Variants in COL5A2 observed in about 807,000 individuals in gnomAD.
The protein encoded by COL5A2 is collagen type V alpha 2 chain, also known as collagen alpha-2(V) chain.
COL5A2 carries 23 observed loss-of-function variants against 208.2 expected under a neutral mutation model. That is an observed-to-expected ratio of 0.11 (90% CI 0.08 to 0.16). The LOEUF is 0.16. COL5A2 is among the 10% of genes least tolerant of loss of function. The pLI is 1.00. For synonymous variants in COL5A2, 625 were observed against 628.5 expected (o/e 0.99, Z 0.08); for missense variants, 1,590 against 1,956.4 (o/e 0.81, Z 3.53).
the COL5A2 span, among the ~76,000 whole-genome samples, chr2:189,319,969 T>A: frequency 6.6e-6 from 1 of 152,128 alleles, no homozygotes; most frequent in African/African-American, 2.4e-5. Context: ...AGACAAAACC[T>A]CCAGAGGAAT....
chr2:189,179,799 G>A, upstream of COL5A2: 1 of 777,788 alleles, frequency 1.3e-6, no homozygotes, highest in South Asian at 1.8e-5. Flanking sequence ...TAAATAGGAA[G>A]AATGCTGCCT....
At chr2:189,273,447 C>T in the COL5A2 span, among the ~76,000 whole-genome samples, 1 of 151,958 alleles carries the variant, frequency 6.6e-6, no homozygotes, top group African/African-American at 2.4e-5. Context: ...GAAGGTTCAT[C>T]AAAAAATTAA....
At chr2:189,354,078 A>C in the COL5A2 span, among the ~76,000 whole-genome samples, 3,656 of 152,282 alleles carry the variant, frequency 0.024, 161 homozygotes, top group African/African-American at 0.084. Context: ...GTGATGGATT[A>C]AGTTTATTGA....
At chr2:189,176,000 G>A (rs570898863) in intron 1 of COL5A2, among the ~76,000 whole-genome samples, 8 of 152,142 alleles carry the variant, frequency 5.3e-5, no homozygotes, top group Non-Finnish European at 1.0e-4. Flanking sequence ...CTTAAGCTAT[G>A]TATACATATT....
intron 48 of COL5A2, 24 bp from the exon 49 acceptor site, chr2:189,042,797 T>C: frequency 6.3e-7 from 1 of 1,597,448 alleles, no homozygotes; most frequent in South Asian, 1.1e-5. Flanking sequence ...CAATAAAAAA[T>C]GTTGCCAAAA....
At chr2:189,068,703 TA>T (rs1559088699) in intron 19 of COL5A2, 82 bp downstream of exon 19, 5 of 986,526 alleles carry the variant, frequency 5.1e-6, no homozygotes, top group Non-Finnish European at 8.1e-6. Flanking sequence ...ATGTATCAAT[TA>T]AAAAAATAGG....
At chr2:189,054,682 GT>G (rs149548788) in intron 35 of COL5A2, among the ~76,000 whole-genome samples, 1,280 of 118,336 alleles carry the variant, frequency 0.011, 15 homozygotes, top group African/African-American at 0.037. Flanking sequence ...CATTTTAGGT[GT>G]TTTTTCCTTT....
At chr2:189,238,874 G>A in the COL5A2 span, among the ~76,000 whole-genome samples, 1 of 152,112 alleles carries the variant, frequency 6.6e-6, no homozygotes, top group Non-Finnish European at 1.5e-5. Flanking sequence ...TTCGAGATAA[G>A]ATTTGGGTGG....
chr2:189,178,366 A>AATATAGATATATACATAGTAT (rs1688716690), intron 1 of COL5A2, among the ~76,000 whole-genome samples: 1 of 152,072 alleles, frequency 6.6e-6, no homozygotes, highest in African/African-American at 2.4e-5. Flanking sequence ...TTGTTCTAAA[A>AATATAGATATATACATAGTAT]ATATAGATAT....
chr2:189,244,539 C>T, the COL5A2 span, among the ~76,000 whole-genome samples: 1 of 152,060 alleles, frequency 6.6e-6, no homozygotes, highest in African/African-American at 2.4e-5. Flanking sequence ...TGTCCATATC[C>T]CAACCTTTGC....
chr2:189,283,302 G>T, the COL5A2 span, among the ~76,000 whole-genome samples: 1 of 151,502 alleles, frequency 6.6e-6, no homozygotes, highest in Non-Finnish European at 1.5e-5. Flanking sequence ...GGACAACAAA[G>T]GCAGCAAAGG....
intron 18 of COL5A2, 133 bp from the exon 19 acceptor site, chr2:189,069,017 G>A (rs1409095764): frequency 9.8e-6 from 7 of 717,182 alleles, no homozygotes; most frequent in African/African-American, 1.7e-5. Context: ...TACAAGAGAT[G>A]CGTGCCCAAC....
At chr2:189,357,163 T>C in the COL5A2 span, among the ~76,000 whole-genome samples, 1 of 152,288 alleles carries the variant, frequency 6.6e-6, no homozygotes, top group South Asian at 2.1e-4. Flanking sequence ...GTAGGAGATG[T>C]CTGTCGGCCC....
At chr2:189,235,673 T>C in the COL5A2 span, among the ~76,000 whole-genome samples, 1 of 151,830 alleles carries the variant, frequency 6.6e-6, no homozygotes, top group East Asian at 1.9e-4. Context: ...TAATCCATTG[T>C]ATGAACATAC....
At chr2:189,178,898 A>G (rs1416362762) in intron 1 of COL5A2, among the ~76,000 whole-genome samples, 1 of 152,194 alleles carries the variant, frequency 6.6e-6, no homozygotes, top group African/African-American at 2.4e-5. Context: ...GGCTTCTATC[A>G]GCCTCTGTCA....
At chr2:189,386,295 C>T in the COL5A2 span, among the ~76,000 whole-genome samples, 13 of 152,010 alleles carry the variant, frequency 8.6e-5, no homozygotes, top group African/African-American at 2.4e-4. Context: ...TGAAACTGGA[C>T]CCCTGCCTAT....
upstream of COL5A2, among the ~76,000 whole-genome samples, chr2:189,227,478 G>A (rs958072774): frequency 6.6e-6 from 1 of 151,990 alleles, no homozygotes; most frequent in African/African-American, 2.4e-5. Context: ...CCATCTATAA[G>A]AGACTCACTT....
the COL5A2 span, among the ~76,000 whole-genome samples, chr2:189,362,684 TTTCCTATTC>T: frequency 6.6e-6 from 1 of 152,164 alleles, no homozygotes; most frequent in Non-Finnish European, 1.5e-5. Context: ...ACTTATCAGC[TTTCCTATTC>T]TTCCTATTCT....
At chr2:189,334,129 A>G in the COL5A2 span, among the ~76,000 whole-genome samples, 1 of 152,018 alleles carries the variant, frequency 6.6e-6, no homozygotes, top group Non-Finnish European at 1.5e-5. Context: ...TAAATATAAT[A>G]AAAGGCATTT....
Sources: gnomAD v4.1 joint callset for allele counts (sites outside exome capture counted in the v4.1 genomes callset) on GRCh38, gnomAD v4.1.1 for gene constraint, MANE v1.5 for transcripts, NCBI Gene and HGNC (gene_info 2026-07-23, HGNC 2026-07-21) for gene names.